Variants in RIMS1 observed in about 807,000 individuals in gnomAD.
RIMS1 encodes the protein regulating synaptic membrane exocytosis protein 1.
A neutral mutation model predicts 214.1 loss-of-function variants in RIMS1; 83 were observed. The ratio of observed to expected loss-of-function variants is 0.39; its 90% confidence interval spans 0.32 to 0.47. RIMS1 has a LOEUF of 0.47. Ranked by LOEUF, RIMS1 falls within the 20% of genes least tolerant of loss-of-function variation. RIMS1 has a pLI of 0.99. For synonymous variants in RIMS1, 793 were observed against 786.8 expected, an observed-to-expected ratio of 1.01 and a Z score of -0.13; for missense variants, 2,050 against 2,161.8, an observed-to-expected ratio of 0.95 and a Z score of 1.03.
chr6:72,314,833 C>A (rs1417808601), intron 28 of RIMS1, among the ~76,000 whole-genome samples: 1 of 150,952 alleles, frequency 6.6e-6, no homozygotes, highest in Non-Finnish European at 1.5e-5. Flanking sequence ...TAACCAAGGA[C>A]TTTTTTTTTA....
At chr6:71,949,308 C>T (rs9351879) in intron 1 of RIMS1, among the ~76,000 whole-genome samples, 9,656 of 152,166 alleles carry the variant, frequency 0.063, 508 homozygotes, top group East Asian at 0.19. Context: ...AAGAAAGGTC[C>T]TCTAAATTAT....
chr6:71,957,540 A>G (rs2151205966), intron 1 of RIMS1, among the ~76,000 whole-genome samples: 1 of 142,588 alleles, frequency 7.0e-6, no homozygotes, highest in South Asian at 2.1e-4. Flanking sequence ...TTTCAGTCTT[A>G]GAGTTTGAAA....
At chr6:72,250,646 G>A (rs1272728713) in intron 13 of RIMS1, among the ~76,000 whole-genome samples, 186 bp downstream of exon 13, 1 of 151,964 alleles carries the variant, frequency 6.6e-6, no homozygotes, top group Non-Finnish European at 1.5e-5. Context: ...AAAATAATCT[G>A]TCAATTAAAA....
At chr6:72,034,080 T>C (rs1818909303) in intron 2 of RIMS1, among the ~76,000 whole-genome samples, 1 of 152,170 alleles carries the variant, frequency 6.6e-6, no homozygotes, top group African/African-American at 2.4e-5. Flanking sequence ...TCATAAGTTC[T>C]AATTATTTTG....
chr6:72,333,746 G>T lies in RIMS1; in HGVS notation c.4277G>T (p.Gly1426Val). 1 of 1,599,816 alleles carries T rather than the reference G, an allele frequency of 6.3e-7. No individual in the cohort carries two copies. Among genetic ancestry groups the T allele is most frequent in the Non-Finnish European group, 8.5e-7 (1 of 1,173,070 alleles). ...ACAGCTGTGGGTACAGTTGGAGCAG[G>T]TGGAAAGAAACGGAGATCCAGCCTT... The part of the protein sequence containing the change: ...SDTAVGTVGA[G>V]GKKRRSSLSA... The change falls in exon 29 of 34, where the codon GGT becomes GTT. Residue 1426 changes from glycine (G) to valine (V), a missense_variant. By Grantham distance (109) the Gly-to-Val change is moderately radical. Transcript: ENST00000521978.
intron 1 of RIMS1, among the ~76,000 whole-genome samples, chr6:71,966,801 C>T (rs1044389983): frequency 2.0e-5 from 3 of 151,978 alleles, no homozygotes; most frequent in Non-Finnish European, 4.4e-5. Flanking sequence ...GGATTACAGG[C>T]GTGAGCCACC....
intron 29 of RIMS1, among the ~76,000 whole-genome samples, chr6:72,386,052 A>G (rs915371608): frequency 6.6e-6 from 1 of 152,230 alleles, no homozygotes; most frequent in African/African-American, 2.4e-5. Context: ...ATATAAAAGA[A>G]AATTCAATAA....
intron 2 of RIMS1, among the ~76,000 whole-genome samples, chr6:72,049,912 TTC>T (rs1459728551): frequency 1.3e-5 from 2 of 152,278 alleles, no homozygotes; most frequent in East Asian, 3.9e-4. Flanking sequence ...CTTGTGAAAA[TTC>T]TCTTTTTAAG....
At chr6:71,924,096 C>G (rs191183474) in intron 1 of RIMS1, among the ~76,000 whole-genome samples, 1 of 152,284 alleles carries the variant, frequency 6.6e-6, no homozygotes, top group African/African-American at 2.4e-5. Flanking sequence ...TTATTAGGCA[C>G]TTGCATGTTT....
chr6:72,150,048 T>G (rs1338240288), intron 4 of RIMS1, among the ~76,000 whole-genome samples: 2 of 152,088 alleles, frequency 1.3e-5, no homozygotes, highest in African/African-American at 4.8e-5. Context: ...GAGAGGAATT[T>G]TATTTCATGA....
intron 1 of RIMS1, among the ~76,000 whole-genome samples, chr6:71,941,967 G>A (rs1050994866): frequency 1.3e-5 from 2 of 152,176 alleles, no homozygotes; most frequent in Non-Finnish European, 2.9e-5. Context: ...GCTTGCCTTT[G>A]AAAGAACAAA....
chr6:72,087,066 C>G (rs138080372), intron 2 of RIMS1, among the ~76,000 whole-genome samples: 1 of 152,152 alleles, frequency 6.6e-6, no homozygotes, highest in Non-Finnish European at 1.5e-5. Flanking sequence ...CCAAGTTTTA[C>G]GTTGATTTGC....
At chr6:72,008,379 G>A (rs1343197353) in intron 2 of RIMS1, among the ~76,000 whole-genome samples, 3 of 152,162 alleles carry the variant, frequency 2.0e-5, no homozygotes, top group African/African-American at 2.4e-5. Context: ...ATGTCAAATT[G>A]TAAAGACCGT....
At chr6:72,191,033 T>TA (rs1196802658) in intron 6 of RIMS1, among the ~76,000 whole-genome samples, 1 of 152,202 alleles carries the variant, frequency 6.6e-6, no homozygotes, top group East Asian at 1.9e-4. Flanking sequence ...ACAGCATCTC[T>TA]ATCTGCCACT....
intron 26 of RIMS1, among the ~76,000 whole-genome samples, chr6:72,305,909 G>A (rs2154280359): frequency 6.6e-6 from 1 of 152,210 alleles, no homozygotes; most frequent in East Asian, 1.9e-4. Context: ...ATAATTTACT[G>A]ATAAAAGTAT....
intron 4 of RIMS1, among the ~76,000 whole-genome samples, chr6:72,166,600 G>A (rs1371489360): frequency 6.6e-6 from 1 of 152,020 alleles, no homozygotes; most frequent in African/African-American, 2.4e-5. Context: ...GCTAGGTAGA[G>A]CATAGTGGCT....
rs2096880218 is a variant in RIMS1 at position 72,337,450 on chromosome 6, A to T, written c.4366+3615A>T. ...TTCATGTTTCTAAGTGGATAAAAGT[A>T]ATATGTCTACATTTCTAGAGCTTTT... On this transcript the variant is annotated intron_variant, in intron 29 of 33. Transcript: ENST00000521978. 1.3e-5 allele frequency among the ~76,000 whole-genome samples: 2 copies of T among 151,784 alleles called. 1 individual carries two copies. Among genetic ancestry groups the T allele is most frequent in the South Asian group, 4.1e-4 (2 of 4,824 alleles).
At chr6:72,247,522 C>A (rs941856003) in intron 11 of RIMS1, among the ~76,000 whole-genome samples, 1 of 115,190 alleles carries the variant, frequency 8.7e-6, no homozygotes, top group Non-Finnish European at 1.7e-5. Context: ...GCAACAAGAG[C>A]GAAACTCTGT....
chr6:72,291,974 G>GAC lies in RIMS1; in HGVS notation c.3782_3783dup (p.Ser1262HisfsTer16). On this transcript the variant is annotated frameshift_variant, in exon 26 of 34. Coordinates refer to ENST00000521978, the MANE Select transcript of RIMS1 (RefSeq NM_014989.7). ...AAGTCCAACACAATCTCCTCCAGCA[G>GAC]ACACATCGTTCAGCAGTCGCAGGGG... 1 of 1,564,816 alleles carries GAC rather than the reference G, an allele frequency of 6.4e-7. No individual in the cohort carries two copies. The highest frequency in any genetic ancestry group is 8.7e-7 in the Non-Finnish European group (1 of 1,154,708).
Sources: allele counts gnomAD v4.1 joint callset (sites outside exome capture counted in the v4.1 genomes callset), GRCh38; gene constraint gnomAD v4.1.1; transcripts MANE v1.5; gene names NCBI Gene and HGNC (gene_info 2026-07-23, HGNC 2026-07-21).